RBFOX1: variants seen among roughly 807,000 people sequenced by gnomAD.
RBFOX1 encodes the protein RNA binding fox-1 homolog 1.
RBFOX1 carries 8 observed loss-of-function variants against 57.7 expected under a neutral mutation model. That is an observed-to-expected ratio of 0.14 (90% CI 0.08 to 0.25). The LOEUF (loss-of-function observed/expected upper bound fraction) is 0.25. Among genes scored for constraint, RBFOX1 ranks in the 10% least tolerant of loss-of-function variants. RBFOX1 has a pLI of 1.00. For missense variants in RBFOX1, 611 were observed against 548.5 expected (o/e 1.11, Z -1.14); for synonymous variants, 326 against 222.4 (o/e 1.47, Z -4.15).
chr16:6,177,449 G>C (rs1322765364), intron 1 of RBFOX1, among the ~76,000 whole-genome samples: 5 of 151,710 alleles, frequency 3.3e-5, no homozygotes, highest in Non-Finnish European at 7.4e-5. Context: ...TAGAGGAGGT[G>C]GTGTGCATAT....
intron 2 of RBFOX1, among the ~76,000 whole-genome samples, chr16:6,428,921 G>A (rs574972142): frequency 6.6e-4 from 101 of 152,284 alleles, no homozygotes; most frequent in Non-Finnish European, 1.1e-3. Context: ...AAGTAGTAAA[G>A]CGTATTCTTA....
At chr16:5,766,400 C>T (rs2053779660) in intron 3 of RBFOX1, among the ~76,000 whole-genome samples, 1 of 152,134 alleles carries the variant, frequency 6.6e-6, no homozygotes, top group African/African-American at 2.4e-5. Flanking sequence ...TCCTGGCCAA[C>T]ATGACGAAAC....
intron 2 of RBFOX1, among the ~76,000 whole-genome samples, chr16:5,559,107 TG>T (rs1481970323): frequency 6.6e-6 from 1 of 150,644 alleles, no homozygotes; most frequent in African/African-American, 2.4e-5. Context: ...GATCAGTTTT[TG>T]TCTTGCTCCT....
chr16:5,659,554 C>T (rs1163954724), intron 3 of RBFOX1, among the ~76,000 whole-genome samples: 7 of 152,088 alleles, frequency 4.6e-5, no homozygotes, highest in African/African-American at 1.2e-4. Context: ...CCGTCCGCCT[C>T]GGCCTCCCAA....
chr16:6,229,006 C>A (rs2097437840), intron 1 of RBFOX1, among the ~76,000 whole-genome samples: 1 of 151,924 alleles, frequency 6.6e-6, no homozygotes, highest in Non-Finnish European at 1.5e-5. Context: ...ATGCACAAAT[C>A]CCCTGCTGTG....
At chr16:6,355,479 G>A (rs934543405) in intron 2 of RBFOX1, among the ~76,000 whole-genome samples, 1 of 152,064 alleles carries the variant, frequency 6.6e-6, no homozygotes, top group African/African-American at 2.4e-5. Flanking sequence ...CTTTTTTATG[G>A]CTGCATAGTA....
At chr16:6,875,457 C>A (rs987294435) in intron 3 of RBFOX1, among the ~76,000 whole-genome samples, 1 of 152,160 alleles carries the variant, frequency 6.6e-6, no homozygotes, top group Non-Finnish European at 1.5e-5. Context: ...ACACAAGATT[C>A]GCTGAGAGTC....
At chr16:7,653,116 T>C (rs556754179) in intron 11 of RBFOX1, among the ~76,000 whole-genome samples, 259 of 152,350 alleles carry the variant, frequency 1.7e-3, no homozygotes, top group Middle Eastern at 3.4e-3. Flanking sequence ...TATACACATA[T>C]GTGTATTTTG....
intron 2 of RBFOX1, among the ~76,000 whole-genome samples, chr16:6,490,556 T>C (rs2095609415): frequency 6.6e-6 from 1 of 152,240 alleles, no homozygotes; most frequent in African/African-American, 2.4e-5. Context: ...ATCTGCTTAC[T>C]ATTTATTGCC....
At chr16:6,759,687 A>C (rs376099560) in intron 3 of RBFOX1, among the ~76,000 whole-genome samples, 29 of 152,124 alleles carry the variant, frequency 1.9e-4, no homozygotes, top group African/African-American at 6.8e-4. Flanking sequence ...TTAAATTTCA[A>C]CTTTAATAAT....
At chr16:5,454,854 T>TTTTCTTTCTTTCTTTC (rs200680272) in intron 1 of RBFOX1, among the ~76,000 whole-genome samples, 6 of 67,524 alleles carry the variant, frequency 8.9e-5, no homozygotes, top group East Asian at 4.3e-4. Context: ...TCTTTCTTTC[T>TTTTCTTTCTTTCTTTC]TTTCTTTCTT....
At chr16:6,721,391 C>A (rs771185487) in intron 3 of RBFOX1, among the ~76,000 whole-genome samples, 10 of 152,104 alleles carry the variant, frequency 6.6e-5, no homozygotes, top group Non-Finnish European at 1.3e-4. Flanking sequence ...TACAGTGAGC[C>A]GAGATCATGC....
chr16:6,794,539 T>C (rs1168198286), intron 3 of RBFOX1, among the ~76,000 whole-genome samples: 1 of 152,144 alleles, frequency 6.6e-6, no homozygotes, highest in Non-Finnish European at 1.5e-5. Context: ...CTAATTATTT[T>C]AAGTGATTGG....
At chr16:7,153,959 A>C (rs1181530848) in intron 4 of RBFOX1, among the ~76,000 whole-genome samples, 1 of 152,154 alleles carries the variant, frequency 6.6e-6, no homozygotes, top group African/African-American at 2.4e-5. Flanking sequence ...AATGGAGATA[A>C]AGAGAAAAAG....
In RBFOX1 at chr16:5,693,335, T is replaced by C. The variant is rs1278562196; in HGVS notation, c.318+94374T>C. Among the ~76,000 whole-genome samples the C allele has an allele frequency of 2.0e-5, 3 of 149,250 alleles. 1 individual carries two copies. The Middle Eastern group carries it at 0.01, about 511-fold the overall frequency. ...AAAATGATTTTTAGTTTACAAATAG[T>C]ATGACTATTTTAAAAGCATATATAG... On this transcript the variant is annotated intron_variant, in intron 3 of 19. Coordinates refer to the RBFOX1 transcript ENST00000641259.
intron 3 of RBFOX1, among the ~76,000 whole-genome samples, chr16:6,787,666 A>T (rs1000168795): frequency 6.6e-6 from 1 of 152,226 alleles, no homozygotes; most frequent in South Asian, 2.1e-4. Context: ...GATGAAAGAG[A>T]TTGCATCCCT....
At chr16:6,391,695 G>C (rs1243437233) in intron 2 of RBFOX1, among the ~76,000 whole-genome samples, 1 of 152,116 alleles carries the variant, frequency 6.6e-6, no homozygotes, top group African/African-American at 2.4e-5. Flanking sequence ...TCTGTAGGCA[G>C]ATATGATTTG....
At chr16:5,772,658 A>G (rs900091375) in intron 3 of RBFOX1, among the ~76,000 whole-genome samples, 3 of 152,218 alleles carry the variant, frequency 2.0e-5, no homozygotes, top group African/African-American at 4.8e-5. Context: ...AGAAACAGGC[A>G]GCTAGAGGGG....
At chr16:7,434,355 C>A (rs985133134) in intron 4 of RBFOX1, among the ~76,000 whole-genome samples, 13 of 152,154 alleles carry the variant, frequency 8.5e-5, no homozygotes, top group Non-Finnish European at 1.3e-4. Flanking sequence ...GCCAGTAGTC[C>A]CAGCTACTCT....
Sources: gnomAD v4.1 joint callset for allele counts (sites outside exome capture counted in the v4.1 genomes callset) on GRCh38, gnomAD v4.1.1 for gene constraint, MANE v1.5 for transcripts, NCBI Gene and HGNC (gene_info 2026-07-23, HGNC 2026-07-21) for gene names.